SBNO2: variants seen among roughly 807,000 people sequenced by gnomAD.
SBNO2 encodes strawberry notch homolog 2.
In SBNO2, 89 loss-of-function variants were observed where a neutral mutation model predicts 146.3. The ratio of observed to expected loss-of-function variants is 0.61; its 90% confidence interval spans 0.51 to 0.73. The LOEUF is 0.73. SBNO2 is among the 30% of genes least tolerant of loss of function. The pLI, the probability that SBNO2 is intolerant of heterozygous loss-of-function variation, is 0.00. For synonymous variants in SBNO2, 1,147 were observed against 892.6 expected (o/e 1.29, Z -5.08); for missense variants, 2,092 against 2,003.7 (o/e 1.04, Z -0.84).
At chr19:1,113,066 G>T (rs1264118615) in intron 19 of SBNO2, 117 bp from the exon 20 acceptor site, 9 of 1,224,214 alleles carry the variant, frequency 7.4e-6, no homozygotes, top group Non-Finnish European at 1.0e-5. Flanking sequence ...AGCTGTGCAC[G>T]GGAGGTGGGG....
chr19:1,111,766 C>CTCCTCCCCGGGGGTCCTAGACTGGG (rs1317361100), intron 23 of SBNO2, among the ~76,000 whole-genome samples, 152 bp from the exon 24 acceptor site: 2 of 150,676 alleles, frequency 1.3e-5, no homozygotes, highest in Non-Finnish European at 3.0e-5. Context: ...TCTCAGCCAC[C>CTCCTCCCCGGGGGTCCTAGACTGGG]TCCTCCCCGG....
chr19:1,124,901 C>T (rs1009350668), intron 5 of SBNO2, among the ~76,000 whole-genome samples: 49 of 152,038 alleles, frequency 3.2e-4, no homozygotes, highest in Non-Finnish European at 2.5e-4. Flanking sequence ...TGGTGTGGCC[C>T]GTCGTCATGC....
chr19:1,132,393 G>T, intron 4 of SBNO2: 1 of 684,420 alleles, frequency 1.5e-6, no homozygotes, highest in Non-Finnish European at 1.8e-6. Flanking sequence ...TACTGTACGG[G>T]GCGGATCTCC....
At chr19:1,118,951 G>A (rs1007709032) in intron 14 of SBNO2, 60 bp downstream of exon 14, 56 of 1,520,312 alleles carry the variant, frequency 3.7e-5, no homozygotes, top group Non-Finnish European at 4.6e-5. Flanking sequence ...GCAAGGCCAC[G>A]GGGGAGCAAT....
chr19:1,115,982 G>C (rs369368741), intron 17 of SBNO2, 39 bp downstream of exon 17: 9 of 1,524,342 alleles, frequency 5.9e-6, no homozygotes, highest in Middle Eastern at 4.2e-4. Flanking sequence ...AGAAAGCAGA[G>C]GGGCAGGGGT....
chr19:1,109,931 G>T lies in SBNO2; in HGVS notation c.3029-154C>A, dbSNP rs986539952. 6.6e-6 allele frequency among the ~76,000 whole-genome samples: 1 copy of T among 151,986 alleles called. No homozygotes were observed. Among genetic ancestry groups the T allele is most frequent in the African/African-American group, 2.4e-5 (1 of 41,362 alleles). On this transcript the variant is annotated intron_variant, in intron 26 of 31. Coordinates refer to ENST00000361757, the MANE Select transcript of SBNO2 (RefSeq NM_014963.3). The surrounding 1 kb of genome is among the most constrained non-coding windows in gnomAD (Gnocchi z 4.2). The stretch of plus-strand genomic sequence containing the variant: ...CCTGGCCTGACCTGGCCCAGCGTGG[G>T]GATGGTGCACGTGGGCCCCAACCTG...
chr19:1,149,266 C>T, intron 3 of SBNO2, 103 bp downstream of exon 3: 3 of 1,100,650 alleles, frequency 2.7e-6, no homozygotes, highest in Non-Finnish European at 4.0e-6. Flanking sequence ...AACCCCTCAA[C>T]AAGACTTTGG....
chr19:1,110,850 GC>G lies in SBNO2; in HGVS notation c.2922del (p.Leu975TrpfsTer74). Reference protein sequence around the residue: ...SITKFLNRILGLEVHKQNALF... With the variant: ...SITKFLNRILXLEVHKQNALF... Reference sequence around the variant, plus strand: ...AGGGCGTTCTGCTTGTGCACCTCCAGCCCCAGGATGCGGTTCAGGAACTTGG... The same window carrying G: ...AGGGCGTTCTGCTTGTGCACCTCCAGCCCAGGATGCGGTTCAGGAACTTGG... On this transcript the variant is annotated frameshift_variant, in exon 26 of 32. Coordinates refer to ENST00000361757, the MANE Select transcript of SBNO2 (RefSeq NM_014963.3). LOFTEE classifies it high-confidence loss of function. The surrounding 1 kb of genome is among the most constrained non-coding windows in gnomAD (Gnocchi z 4.9). 1 of 1,613,668 alleles carries G rather than the reference GC, an allele frequency of 6.2e-7. No individual in the cohort carries two copies. The highest frequency in any genetic ancestry group is 8.5e-7 in the Non-Finnish European group (1 of 1,179,718).
intron 4 of SBNO2, among the ~76,000 whole-genome samples, chr19:1,134,337 G>GGGTGGACCCACAGCTCCCA (rs2080066507): frequency 6.7e-6 from 1 of 148,696 alleles, no homozygotes; most frequent in African/African-American, 2.6e-5. Context: ...CACAGCTCCC[G>GGGTGGACCCACAGCTCCCA]GGTGGACCCT....
rs1215869764 is a variant in SBNO2, at chr19:1,122,131, C to A, written c.1149+8G>T. On this transcript the variant is annotated splice_region_variant and intron_variant, in intron 11 of 31. Transcript: ENST00000361757. Reference sequence around the variant, plus strand: ...GCCCTCCCCTCCCGATTGCCCCCAGCAGGATACGACGCCCTCGAAGGCCTC... The same window carrying A: ...GCCCTCCCCTCCCGATTGCCCCCAGAAGGATACGACGCCCTCGAAGGCCTC... The A allele has an allele frequency of 7.1e-7, 1 of 1,412,000 alleles. No homozygotes were observed. Among genetic ancestry groups the A allele is most frequent in the South Asian group, 1.6e-5 (1 of 63,440 alleles). The allele number at this position is 1,412,000 out of a possible 1,614,324, so 87.5% of individuals were successfully genotyped here. A position where few individuals can be genotyped will look rare whatever the true frequency, so the allele number is the denominator to read the frequency against.
Position 1,140,148 on chromosome 19 carries a change from A to C in SBNO2, c.279+7161T>G, listed in dbSNP as rs1419552569. Among the ~76,000 whole-genome samples the C allele has an allele frequency of 6.6e-6, 1 of 151,460 alleles. No homozygotes were observed. The highest frequency in any genetic ancestry group is 1.5e-5 in the Non-Finnish European group (1 of 67,852). ...CCCCGTGTCCACTAAAAAACACAAA[A>C]AATTAGCTGGGCGTGGTGGTGGGCA... On this transcript the variant is annotated intron_variant, in intron 4 of 31. Transcript: ENST00000361757. This position sits in a 1 kb window ranked among gnomAD's most constrained non-coding sequence, Gnocchi z 4.4.
chr19:1,111,965 C>T lies in SBNO2; in HGVS notation c.2700+31G>A, dbSNP rs956233607. On this transcript the variant is annotated intron_variant, in intron 23 of 31. Transcript: ENST00000361757. Reference sequence around the variant, plus strand: ...CCCTCCCTAGACCCCTGCCCCTGCCCCGCCCCCCAACCCTGCCTTCCCTGC... The same window carrying T: ...CCCTCCCTAGACCCCTGCCCCTGCCTCGCCCCCCAACCCTGCCTTCCCTGC... 5.0e-6 allele frequency: 8 copies of T among 1,591,426 alleles called. No individual in the cohort carries two copies. In the African/African-American group the frequency reaches 1.1e-4, roughly 21 times the overall value.
At chr19:1,113,067 G>T in intron 19 of SBNO2, 118 bp from the exon 20 acceptor site, 1 of 1,228,570 alleles carries the variant, frequency 8.1e-7, no homozygotes, top group South Asian at 1.5e-5. Context: ...GCTGTGCACG[G>T]GAGGTGGGGG....
chr19:1,135,778 C>A (rs1009819353), intron 4 of SBNO2, among the ~76,000 whole-genome samples: 3 of 151,758 alleles, frequency 2.0e-5, no homozygotes, highest in Non-Finnish European at 4.4e-5. Flanking sequence ...AGGGGCTCCT[C>A]CTGGAGGGGG....
intron 1 of SBNO2, among the ~76,000 whole-genome samples, chr19:1,167,692 C>T (rs1177880723): frequency 2.0e-5 from 3 of 152,162 alleles, no homozygotes; most frequent in East Asian, 1.9e-4. Context: ...CCCTGTGCCC[C>T]GGGAGGCACC....
At position 1,147,435 on chromosome 19, in the gene SBNO2, G is replaced by GA; in HGVS notation, c.168-16_168-15insT. 7.8e-7 allele frequency: 1 copy of GA among 1,277,374 alleles called. No individual in the cohort carries two copies. The highest frequency in any genetic ancestry group is 1.1e-6 in the Non-Finnish European group (1 of 935,184). The allele number at this position is 1,277,374 out of a possible 1,614,324, so 79.1% of individuals were successfully genotyped here. On this transcript the variant is annotated splice_polypyrimidine_tract_variant and intron_variant, in intron 3 of 31. Transcript: ENST00000361757. ...TCATGAACGGGCTGGAGGGAGATGG[G>GA]GGGGGGGGAGGTGAGATGGGGTGCT...
intron 4 of SBNO2, among the ~76,000 whole-genome samples, chr19:1,141,819 C>T (rs948182794): frequency 1.3e-5 from 2 of 152,054 alleles, no homozygotes; most frequent in African/African-American, 4.8e-5. Context: ...GATAGGGTCT[C>T]ACTATGTTGC....
Position 1,140,821 on chromosome 19 carries a change from T to C in SBNO2, c.279+6488A>G, listed in dbSNP as rs2080128494. Among the ~76,000 whole-genome samples the C allele has an allele frequency of 2.0e-5, 3 of 151,742 alleles. No individual in the cohort carries two copies. ...CCCCCAGGCTGAGAGAAACAGGAAA[T>C]GGATGGTGAAGGAACCCCGTCCCCG... is the stretch of plus-strand genomic sequence containing the variant. On this transcript the variant is annotated intron_variant, in intron 4 of 31. Transcript: ENST00000361757. The surrounding 1 kb of genome is among the most constrained non-coding windows in gnomAD (Gnocchi z 4.4).
At chr19:1,114,659 T>G (rs542635940) in intron 17 of SBNO2, among the ~76,000 whole-genome samples, 4 of 152,340 alleles carry the variant, frequency 2.6e-5, no homozygotes, top group South Asian at 2.1e-4. Context: ...TTTATTTTCT[T>G]TTGAGACGGA....
Sources: allele counts gnomAD v4.1 joint callset (sites outside exome capture counted in the v4.1 genomes callset), GRCh38; gene constraint gnomAD v4.1.1; non-coding constraint Gnocchi (gnomAD v3.1); transcripts MANE v1.5; gene names NCBI Gene and HGNC (gene_info 2026-07-23, HGNC 2026-07-21).